Variants in SH3RF1 observed in about 807,000 individuals in gnomAD.
SH3RF1 encodes E3 ubiquitin-protein ligase SH3RF1.
SH3RF1 carries 32 observed loss-of-function variants against 74.0 expected under a neutral mutation model. The ratio of observed to expected loss-of-function variants is 0.43; its 90% CI spans 0.33 to 0.58. SH3RF1 has a LOEUF of 0.58. Ranked by LOEUF, SH3RF1 falls within the 20% of genes least tolerant of loss-of-function variation. The pLI, the probability that SH3RF1 is intolerant of heterozygous loss-of-function variation, is 0.05. For synonymous variants in SH3RF1, 396 were observed against 439.6 expected (o/e 0.90, Z 1.24); for missense variants, 954 against 1,130.9 (o/e 0.84, Z 2.24).
At chr4:169,156,788 T>C (rs1211091839) in intron 2 of SH3RF1, 109 bp from the exon 3 acceptor site, 24 of 989,610 alleles carry the variant, frequency 2.4e-5, no homozygotes, top group Admixed American at 5.0e-5. Flanking sequence ...AACCACACTG[T>C]AACCCTTGAA....
At chr4:169,247,798 A>G (rs963403270) in intron 2 of SH3RF1, among the ~76,000 whole-genome samples, 4 of 152,236 alleles carry the variant, frequency 2.6e-5, no homozygotes, top group Non-Finnish European at 5.9e-5. Context: ...ACAAATTTAC[A>G]AGAAAAAAAC....
intron 2 of SH3RF1, among the ~76,000 whole-genome samples, chr4:169,208,830 T>C (rs1345653536): frequency 6.6e-6 from 1 of 151,862 alleles, no homozygotes; most frequent in Non-Finnish European, 1.5e-5. Flanking sequence ...AGCCAAGAAG[T>C]AGGAGTGGGC....
intron 2 of SH3RF1, among the ~76,000 whole-genome samples, chr4:169,216,894 T>C (rs1730472165): frequency 6.6e-6 from 1 of 151,848 alleles, no homozygotes; most frequent in South Asian, 2.1e-4. Flanking sequence ...CTCATGCCTT[T>C]AATCCTAGCA....
At chr4:169,257,473 T>A (rs1731209470) in intron 2 of SH3RF1, among the ~76,000 whole-genome samples, 1 of 152,182 alleles carries the variant, frequency 6.6e-6, no homozygotes, top group Non-Finnish European at 1.5e-5. Flanking sequence ...GGGTAGAGGA[T>A]AAACGACATG....
chr4:169,136,348 C>T lies in SH3RF1; in HGVS notation c.1038G>A (p.Leu346=). 6.6e-7 allele frequency: 1 copy of T among 1,510,846 alleles called. No individual in the cohort carries two copies. The highest frequency in any genetic ancestry group is 8.9e-7 in the Non-Finnish European group (1 of 1,129,940). 93.6% of individuals were successfully genotyped at this position (1,510,846 alleles called of 1,614,324 possible). ...NPTAAARISE[L]SGLSCSAPSQ... Reference sequence around the variant, plus strand: ...AAGGGGCACTGCAGGAGAGCCCAGACAGCTCGCTGATCCGTGCAGCAGCAG... The same window carrying T: ...AAGGGGCACTGCAGGAGAGCCCAGATAGCTCGCTGATCCGTGCAGCAGCAG... Residue 346 remains leucine, a synonymous_variant, in exon 5 of 12, where the codon CTG becomes CTA. Coordinates refer to ENST00000284637, the MANE Select transcript of SH3RF1 (RefSeq NM_020870.4).
At chr4:169,100,657 A>G (rs1456729790) in intron 11 of SH3RF1, among the ~76,000 whole-genome samples, 1 of 152,180 alleles carries the variant, frequency 6.6e-6, no homozygotes, top group Non-Finnish European at 1.5e-5. Flanking sequence ...TAATATTCTT[A>G]AGTGGCAACT....
chr4:169,112,947 T>C (rs1215879696), intron 10 of SH3RF1, among the ~76,000 whole-genome samples: 1 of 151,764 alleles, frequency 6.6e-6, no homozygotes, highest in African/African-American at 2.4e-5. Flanking sequence ...GAGTGAAGAG[T>C]TGGGATTTAG....
intron 2 of SH3RF1, among the ~76,000 whole-genome samples, chr4:169,160,294 G>A (rs1022424881): frequency 3.9e-5 from 6 of 152,118 alleles, no homozygotes; most frequent in African/African-American, 1.2e-4. Flanking sequence ...GGGAACTGAA[G>A]GAATTTATTT....
At chr4:169,206,922 A>G (rs960188188) in intron 2 of SH3RF1, among the ~76,000 whole-genome samples, 3 of 152,140 alleles carry the variant, frequency 2.0e-5, no homozygotes, top group South Asian at 2.1e-4. Flanking sequence ...ACTTGAAGCC[A>G]AGAGTTCAAT....
chr4:169,159,255 C>T (rs1249838068), intron 2 of SH3RF1, among the ~76,000 whole-genome samples: 1 of 152,124 alleles, frequency 6.6e-6, no homozygotes, highest in Non-Finnish European at 1.5e-5. Flanking sequence ...TTTCTCTACC[C>T]TCACAGATGC....
intron 2 of SH3RF1, among the ~76,000 whole-genome samples, chr4:169,237,033 C>T (rs541045984): frequency 6.6e-6 from 1 of 152,330 alleles, no homozygotes; most frequent in East Asian, 1.9e-4. Flanking sequence ...TGCACACGCT[C>T]CCTTCTCAAT....
At chr4:169,269,860 A>C (rs1731417388) in intron 1 of SH3RF1, 1 of 152,234 alleles carries the variant, frequency 6.6e-6, no homozygotes, top group Non-Finnish European at 1.5e-5. Flanking sequence ...TTGCCCAACC[A>C]AAAAGAGCTG....
chr4:169,114,798 A>G (rs1274951055), intron 10 of SH3RF1, among the ~76,000 whole-genome samples: 1 of 152,212 alleles, frequency 6.6e-6, no homozygotes, highest in Admixed American at 6.5e-5. Context: ...TTAAATATTA[A>G]CTTTTTAGTA....
At chr4:169,153,227 T>C (rs1461345504) in intron 4 of SH3RF1, among the ~76,000 whole-genome samples, 2 of 152,216 alleles carry the variant, frequency 1.3e-5, no homozygotes, top group Non-Finnish European at 2.9e-5. Flanking sequence ...CAAACCACTA[T>C]GCATAAGACA....
intron 10 of SH3RF1, among the ~76,000 whole-genome samples, chr4:169,110,964 G>T (rs187001487): frequency 1.7e-3 from 264 of 152,210 alleles, no homozygotes; most frequent in Admixed American, 3.3e-3. Flanking sequence ...TAAAGCAAGG[G>T]TTAGAACTTA....
chr4:169,208,574 G>C (rs1293822922), intron 2 of SH3RF1, among the ~76,000 whole-genome samples: 1 of 152,068 alleles, frequency 6.6e-6, no homozygotes, highest in East Asian at 1.9e-4. Flanking sequence ...TAATCTAAAA[G>C]GCAATTAGTC....
chr4:169,117,919 T>C, intron 8 of SH3RF1, 137 bp from the exon 9 acceptor site: 1 of 1,152,844 alleles, frequency 8.7e-7, no homozygotes. Flanking sequence ...TTTTATAAAG[T>C]TTAAGAATAG....
intron 2 of SH3RF1, among the ~76,000 whole-genome samples, chr4:169,173,341 T>C (rs777737518): frequency 1.1e-4 from 17 of 152,028 alleles, no homozygotes; most frequent in Non-Finnish European, 2.2e-4. Context: ...AATATTAATA[T>C]GACATTAGTA....
chr4:169,190,198 C>G (rs1010129564), intron 2 of SH3RF1, among the ~76,000 whole-genome samples: 1 of 151,866 alleles, frequency 6.6e-6, no homozygotes. Context: ...CTGAACCCAG[C>G]AAAAGAAAGG....
Sources: gnomAD v4.1 joint callset for allele counts (sites outside exome capture counted in the v4.1 genomes callset) on GRCh38, gnomAD v4.1.1 for gene constraint, MANE v1.5 for transcripts, NCBI Gene and HGNC (gene_info 2026-07-23, HGNC 2026-07-21) for gene names.